The following WASF2 variants were observed in gnomAD, a reference collection of about 807,000 sequenced individuals.
The protein encoded by WASF2 is actin-binding protein WASF2.
A neutral mutation model predicts 45.0 loss-of-function variants in WASF2; 14 were observed. The ratio of observed to expected loss-of-function variants is 0.31; its 90% CI spans 0.21 to 0.49. The LOEUF (loss-of-function observed/expected upper bound fraction) is 0.49, where lower values mean the gene tolerates loss of function less well. Among genes scored for constraint, WASF2 ranks in the 20% least tolerant of loss-of-function variants. The probability of loss-of-function intolerance (pLI) is 0.99; values close to 1 mark genes in which losing one functional copy is unlikely to be tolerated. For synonymous variants in WASF2, 200 were observed against 236.3 expected (o/e 0.85, Z 1.41); for missense variants, 439 against 636.1 (o/e 0.69, Z 3.33).
chr1:27,418,475 C>T, intron 3 of WASF2, 53 bp from the exon 4 acceptor site: 1 of 1,611,936 alleles, frequency 6.2e-7, no homozygotes, highest in Non-Finnish European at 8.5e-7. Context: ...TTTGAGCAAA[C>T]ACTGAGTCAC....
intron 1 of WASF2, among the ~76,000 whole-genome samples, chr1:27,477,103 C>A (rs2017776113): frequency 6.6e-6 from 1 of 152,078 alleles, no homozygotes; most frequent in Non-Finnish European, 1.5e-5. Context: ...CTTGTACAAA[C>A]CAAAGTGTAC....
rs782035111 is a variant in WASF2, at chr1:27,422,618, C to CAAA, written c.131-3533_131-3531dup. On this transcript the variant is annotated intron_variant, in intron 2 of 8. Transcript: ENST00000618852. ...TGGGTGACAGAGCAAGACTCCGTCT[C>CAAA]AAAAAAAAAAAAAAAAAAGAAAATT... Among the ~76,000 whole-genome samples, 30 of 128,746 alleles carry CAAA rather than the reference C, an allele frequency of 2.3e-4. 4 individuals carry two copies. Among genetic ancestry groups the CAAA allele is most frequent in the African/African-American group, 4.8e-4 (16 of 33,094 alleles). The allele number at this position is 128,746 out of a possible 152,430, so 84.5% of individuals were successfully genotyped here.
At chr1:27,445,189 A>C (rs1459122312) in intron 1 of WASF2, among the ~76,000 whole-genome samples, 1 of 152,218 alleles carries the variant, frequency 6.6e-6, no homozygotes, top group African/African-American at 2.4e-5. Context: ...TTAAATTCCT[A>C]AAATGTACCA....
intron 1 of WASF2, among the ~76,000 whole-genome samples, chr1:27,487,540 AAT>A (rs1478667434): frequency 9.4e-6 from 1 of 106,758 alleles, no homozygotes; most frequent in Non-Finnish European, 1.8e-5. Context: ...TACAATATAT[AAT>A]ATATATTATA....
intron 2 of WASF2, among the ~76,000 whole-genome samples, chr1:27,424,130 G>A (rs1188494996): frequency 1.3e-5 from 2 of 152,186 alleles, no homozygotes; most frequent in African/African-American, 4.8e-5. Context: ...TTAGTTTTAT[G>A]CTTTATCCAT....
At chr1:27,413,788 G>T (rs1355993533) in intron 6 of WASF2, among the ~76,000 whole-genome samples, 1 of 152,358 alleles carries the variant, frequency 6.6e-6, no homozygotes, top group East Asian at 1.9e-4. Flanking sequence ...ACAAGTGCCT[G>T]TCTGAACAGG....
intron 1 of WASF2, among the ~76,000 whole-genome samples, chr1:27,439,161 C>G (rs2017175255): frequency 6.6e-6 from 1 of 152,194 alleles, no homozygotes; most frequent in East Asian, 1.9e-4. Context: ...GGAACCTTGG[C>G]AAGCAGTCTC....
chr1:27,418,251 G>A lies in WASF2; in HGVS notation c.419+18C>T, dbSNP rs754637646. On this transcript the variant is annotated intron_variant, in intron 4 of 8. Coordinates refer to ENST00000618852, the MANE Select transcript of WASF2 (RefSeq NM_006990.5). Reference sequence around the variant, plus strand: ...TTAAACCATAGGTTGAAAAAGGGAGGAACTAGCCAGCCATTACCTGTAAGG... The same window carrying A: ...TTAAACCATAGGTTGAAAAAGGGAGAAACTAGCCAGCCATTACCTGTAAGG... The A allele has an allele frequency of 8.1e-6, 13 of 1,607,048 alleles. No individual in the cohort carries two copies. Among genetic ancestry groups the A allele is most frequent in the South Asian group, 7.8e-5 (7 of 89,904 alleles).
intron 1 of WASF2, among the ~76,000 whole-genome samples, chr1:27,485,977 T>C (rs891313488): frequency 1.3e-5 from 2 of 152,250 alleles, no homozygotes; most frequent in African/African-American, 4.8e-5. Context: ...CCCAGAGTGC[T>C]GGGATTACAG....
At chr1:27,460,653 G>A (rs1466456600) in intron 1 of WASF2, among the ~76,000 whole-genome samples, 1 of 152,140 alleles carries the variant, frequency 6.6e-6, no homozygotes, top group East Asian at 1.9e-4. Context: ...AGGAGGCAGA[G>A]CTATTAACAT....
chr1:27,422,519 T>C (rs1010037689), intron 2 of WASF2, among the ~76,000 whole-genome samples: 1 of 148,112 alleles, frequency 6.8e-6, no homozygotes, highest in African/African-American at 2.5e-5. Flanking sequence ...CTCAGGAGGC[T>C]GAGGCAGGAG....
intron 1 of WASF2, among the ~76,000 whole-genome samples, chr1:27,438,743 A>C (rs2017169959): frequency 6.6e-6 from 1 of 152,246 alleles, no homozygotes; most frequent in Non-Finnish European, 1.5e-5. Flanking sequence ...TAGCAATCAC[A>C]ACTACATGTG....
At chr1:27,443,206 T>C (rs546698175) in intron 1 of WASF2, among the ~76,000 whole-genome samples, 14 of 148,292 alleles carry the variant, frequency 9.4e-5, no homozygotes, top group Admixed American at 2.1e-4. Context: ...TGTGGTAGCA[T>C]GTACCTGTGG....
At chr1:27,432,717 T>C (rs2148114163) in intron 1 of WASF2, among the ~76,000 whole-genome samples, 1 of 149,928 alleles carries the variant, frequency 6.7e-6, no homozygotes, top group South Asian at 2.1e-4. Flanking sequence ...AATCCTCCTG[T>C]AGAATAAATC....
intron 1 of WASF2, among the ~76,000 whole-genome samples, chr1:27,484,095 C>T (rs1018162559): frequency 6.6e-6 from 1 of 152,152 alleles, no homozygotes; most frequent in African/African-American, 2.4e-5. Context: ...GGAGCCACCC[C>T]AAGTAGGTGG....
At chr1:27,474,199 G>A (rs1557621057) in intron 1 of WASF2, among the ~76,000 whole-genome samples, 1 of 152,146 alleles carries the variant, frequency 6.6e-6, no homozygotes, top group Non-Finnish European at 1.5e-5. Flanking sequence ...GAGGCTAGGA[G>A]ATAGATACAT....
At chr1:27,432,220 G>A (rs182884957) in intron 1 of WASF2, among the ~76,000 whole-genome samples, 163 of 152,172 alleles carry the variant, frequency 1.1e-3, no homozygotes, top group Non-Finnish European at 2.1e-3. Flanking sequence ...AAAATGTATC[G>A]GCTTTATGGA....
At chr1:27,461,820 G>C (rs1439631024) in intron 1 of WASF2, among the ~76,000 whole-genome samples, 1 of 151,354 alleles carries the variant, frequency 6.6e-6, no homozygotes, top group Non-Finnish European at 1.5e-5. Flanking sequence ...ACACCAATAG[G>C]CCTGGTTATT....
At chr1:27,443,078 T>A (rs2017261357) in intron 1 of WASF2, among the ~76,000 whole-genome samples, 2 of 147,276 alleles carry the variant, frequency 1.4e-5, no homozygotes, top group African/African-American at 5.1e-5. Context: ...ATGGGGGGAT[T>A]GCCTGAGCCC....
Sources: allele counts gnomAD v4.1 joint callset (sites outside exome capture counted in the v4.1 genomes callset), GRCh38; gene constraint gnomAD v4.1.1; transcripts MANE v1.5; gene names NCBI Gene and HGNC (gene_info 2026-07-23, HGNC 2026-07-21).